The following ITPRID1 variants were observed in gnomAD, a reference collection of about 807,000 sequenced individuals.
ITPRID1 encodes protein ITPRID1.
A neutral mutation model predicts 95.4 loss-of-function variants in ITPRID1; 96 were observed. The ratio of observed to expected loss-of-function variants is 1.01; its 90% CI spans 0.85 to 1.19. ITPRID1 has a LOEUF of 1.19. ITPRID1 is among the 50% of genes most tolerant of loss of function. ITPRID1 has a pLI of 0.00. For missense variants in ITPRID1, 1,339 were observed against 1,252.9 expected, an observed-to-expected ratio of 1.07 and a Z score of -1.04; for synonymous variants, 510 against 453.6, an observed-to-expected ratio of 1.12 and a Z score of -1.58.
intron 10 of ITPRID1, among the ~76,000 whole-genome samples, chr7:31,589,491 A>C (rs1386534231): frequency 6.6e-6 from 1 of 152,140 alleles, no homozygotes; most frequent in Non-Finnish European, 1.5e-5. Flanking sequence ...AAGCCAGCAA[A>C]CTCTAAGTGG....
rs1783254246 is a variant in ITPRID1, at chr7:31,521,620, C to CCTTCCTTCCT, written c.-98+7500_-98+7501insCTTCCTTCCT. Among the ~76,000 whole-genome samples the CCTTCCTTCCT allele has an allele frequency of 1.1e-3, 78 of 69,760 alleles. 3 individuals carry two copies. Among genetic ancestry groups the CCTTCCTTCCT allele is most frequent in the South Asian group, 4.2e-3 (7 of 1,682 alleles). 45.8% of individuals were successfully genotyped at this position (69,760 alleles called of 152,430 possible). A position where few individuals can be genotyped will look rare whatever the true frequency, so the allele number is the denominator to read the frequency against. On this transcript the variant is annotated intron_variant, in intron 1 of 14. Coordinates refer to ENST00000615280, the MANE Select transcript of ITPRID1 (RefSeq NM_001257967.3). ...GTTTGTCCAGCTTTTTCTCCTTTCCCTCCTTCCTTCCTTCCTTCCTTCCTT... is the reference window on the plus strand; with the variant it reads ...GTTTGTCCAGCTTTTTCTCCTTTCCCCTTCCTTCCTTCCTTCCTTCCTTCCTTCCTTCCTT...
At chr7:31,573,405 G>C (rs946972314) in intron 7 of ITPRID1, among the ~76,000 whole-genome samples, 1 of 150,204 alleles carries the variant, frequency 6.7e-6, no homozygotes, top group Non-Finnish European at 1.5e-5. Flanking sequence ...AATAATTAAA[G>C]AAAAAAAAGA....
At chr7:31,626,700 A>G (rs1268180364) in intron 10 of ITPRID1, among the ~76,000 whole-genome samples, 1 of 152,182 alleles carries the variant, frequency 6.6e-6, no homozygotes, top group Non-Finnish European at 1.5e-5. Context: ...TTAGTTTTAA[A>G]TGTGCCCCAA....
At chr7:31,575,210 C>T (rs939116112) in intron 8 of ITPRID1, among the ~76,000 whole-genome samples, 5 of 152,204 alleles carry the variant, frequency 3.3e-5, no homozygotes, top group Admixed American at 1.3e-4. Flanking sequence ...TAATATGTAC[C>T]GTAGCCACAC....
chr7:31,570,031 T>A (rs1784931750), intron 6 of ITPRID1, among the ~76,000 whole-genome samples: 1 of 152,180 alleles, frequency 6.6e-6, no homozygotes, highest in Non-Finnish European at 1.5e-5. Context: ...TCAACAAATG[T>A]TGATGTGGGG....
intron 10 of ITPRID1, among the ~76,000 whole-genome samples, chr7:31,597,692 GAAAT>G (rs1391878809): frequency 6.6e-6 from 1 of 152,006 alleles, no homozygotes; most frequent in African/African-American, 2.4e-5. Flanking sequence ...ATATCAAAAA[GAAAT>G]AAATCTTCAC....
intron 10 of ITPRID1, among the ~76,000 whole-genome samples, chr7:31,617,158 C>A (rs6945307): frequency 0.43 from 64,818 of 151,938 alleles, 14,069 homozygotes; most frequent in East Asian, 0.54. Context: ...AAGCATTTGC[C>A]ATCTTTCAGG....
chr7:31,624,845 A>T (rs1279597807), intron 10 of ITPRID1, among the ~76,000 whole-genome samples: 1 of 152,202 alleles, frequency 6.6e-6, no homozygotes, highest in Non-Finnish European at 1.5e-5. Flanking sequence ...AACCCACAAA[A>T]TGGGAAAAAA....
In ITPRID1 at chr7:31,643,768, G is replaced by A. The variant is rs145959636; in HGVS notation, c.2398G>A (p.Ala800Thr). 74 of 1,613,886 alleles carry A rather than the reference G, an allele frequency of 4.6e-5. No homozygotes were observed. The highest frequency in any genetic ancestry group is 5.5e-5 in the Non-Finnish European group (65 of 1,179,902). ...SSICPMGTCHAIPAHCCICCH... is the reference protein window; with the variant it reads ...SSICPMGTCHTIPAHCCICCH... ...TATCTGCCCAATGGGCACCTGCCATGCTATACCTGCCCACTGCTGCATCTG... is the reference window on the plus strand; with the variant it reads ...TATCTGCCCAATGGGCACCTGCCATACTATACCTGCCCACTGCTGCATCTG... The change falls in exon 12 of 15, where the codon GCT (alanine) becomes ACT (threonine). Residue 800 changes from alanine (A) to threonine (T), a missense_variant. By Grantham distance (58) the Ala-to-Thr change is moderately conservative (BLOSUM62 0). Transcript: ENST00000615280.
intron 9 of ITPRID1, among the ~76,000 whole-genome samples, chr7:31,579,305 A>G (rs1031481594): frequency 3.3e-5 from 5 of 152,346 alleles, no homozygotes; most frequent in Middle Eastern, 3.4e-3. Context: ...ATAAGTAATT[A>G]CAAAGGAAGA....
At chr7:31,549,296 C>T (rs1450100058) in intron 1 of ITPRID1, 130 bp from the exon 2 acceptor site, 2 of 542,898 alleles carry the variant, frequency 3.7e-6, no homozygotes, top group African/African-American at 1.9e-5. Flanking sequence ...CTCCCAAAAA[C>T]ATCTACTTCT....
At chr7:31,603,930 C>T (rs186776657) in intron 10 of ITPRID1, among the ~76,000 whole-genome samples, 409 of 152,312 alleles carry the variant, frequency 2.7e-3, no homozygotes, top group Middle Eastern at 0.014. Flanking sequence ...AGGAACGCTG[C>T]TCCCTAGACA....
chr7:31,652,500 C>T lies in ITPRID1; in HGVS notation c.2824-18C>T, dbSNP rs1256713452. Reference sequence around the variant, plus strand: ...TGTGATGTGCTGTTTACTCTTTTTCCTCTTGTTTTCCTTTTAGCAGCTGGA... The same window carrying T: ...TGTGATGTGCTGTTTACTCTTTTTCTTCTTGTTTTCCTTTTAGCAGCTGGA... On this transcript the variant is annotated intron_variant, in intron 14 of 14. Transcript: ENST00000615280. The T allele has an allele frequency of 1.9e-6, 3 of 1,568,290 alleles. No individual in the cohort carries two copies. Among genetic ancestry groups the T allele is most frequent in the Non-Finnish European group, 8.7e-7 (1 of 1,155,198 alleles).
chr7:31,591,781 T>A (rs1249202481), intron 10 of ITPRID1, among the ~76,000 whole-genome samples: 2 of 152,224 alleles, frequency 1.3e-5, no homozygotes, highest in African/African-American at 4.8e-5. Flanking sequence ...CATGACACAG[T>A]ATTTTGCCAC....
chr7:31,530,972 C>G (rs1783578589), intron 1 of ITPRID1, among the ~76,000 whole-genome samples: 1 of 152,176 alleles, frequency 6.6e-6, no homozygotes, highest in Non-Finnish European at 1.5e-5. Context: ...AAGTGGCCAT[C>G]CAATGTTCTG....
At chr7:31,627,023 T>C (rs1562628093) in intron 10 of ITPRID1, among the ~76,000 whole-genome samples, 1 of 152,270 alleles carries the variant, frequency 6.6e-6, no homozygotes, top group South Asian at 2.1e-4. Context: ...AAAACACATA[T>C]GTTGAGGAAG....
intron 12 of ITPRID1, among the ~76,000 whole-genome samples, chr7:31,649,974 C>G (rs1002813761): frequency 6.6e-6 from 1 of 152,086 alleles, no homozygotes; most frequent in African/African-American, 2.4e-5. Flanking sequence ...AGTAGGGGCT[C>G]AGTAGAGTCA....
chr7:31,600,779 CCATTTTTGTCTCT>C (rs1389248806), intron 10 of ITPRID1, among the ~76,000 whole-genome samples: 2 of 152,096 alleles, frequency 1.3e-5, no homozygotes, highest in Non-Finnish European at 2.9e-5. Context: ...TCATACTTCA[CCATTTTTGTCTCT>C]CAACATGCAT....
At chr7:31,625,214 G>A (rs911596409) in intron 10 of ITPRID1, among the ~76,000 whole-genome samples, 7 of 152,076 alleles carry the variant, frequency 4.6e-5, no homozygotes, top group African/African-American at 1.4e-4. Context: ...AGTCAGTGTG[G>A]CGATTCCTCA....
Sources: allele counts gnomAD v4.1 joint callset (sites outside exome capture counted in the v4.1 genomes callset), GRCh38; gene constraint gnomAD v4.1.1; transcripts MANE v1.5; gene names NCBI Gene and HGNC (gene_info 2026-07-23, HGNC 2026-07-21).